Variants in PBRM1 observed in about 807,000 individuals in gnomAD.
PBRM1 encodes the protein protein polybromo-1.
PBRM1 carries 27 observed loss-of-function variants against 194.5 expected under a neutral mutation model. The ratio of observed to expected loss-of-function variants is 0.14; its 90% CI spans 0.10 to 0.19. The LOEUF is 0.19. PBRM1 is among the 10% of genes least tolerant of loss of function. The probability of loss-of-function intolerance (pLI) is 1.00; values close to 1 mark genes in which losing one functional copy is unlikely to be tolerated. For missense variants in PBRM1, 1,466 were observed against 2,077.2 expected, an observed-to-expected ratio of 0.71 and a Z score of 5.72; for synonymous variants, 655 against 693.2, an observed-to-expected ratio of 0.94 and a Z score of 0.87.
chr3:52,643,389 T>TTA lies in PBRM1; in HGVS notation c.900-48_900-47dup, dbSNP rs1281663169. 7 of 1,214,996 alleles carry TTA rather than the reference T, an allele frequency of 5.8e-6. No homozygotes were observed. The African/African-American group carries it at 7.4e-5, about 13-fold the overall frequency. The allele number at this position is 1,214,996 out of a possible 1,614,324, so 75.3% of individuals were successfully genotyped here. ...AAGCTTAGAAACTTGGTAGCTGAAA[T>TTA]TAGAGTGCTGGGTAAACAAACACAC... On this transcript the variant is annotated intron_variant, in intron 8 of 29. Transcript: ENST00000296302.
rs769952971 is a variant in PBRM1, at chr3:52,662,166, A to G, written c.495T>C (p.Asp165=). Residue 165 remains aspartate (D), a synonymous_variant, in exon 4 of 30, where the codon GAT becomes GAC. Transcript: ENST00000296302. ...TCACTGTGCCCTGATTGTCTTGCCCATCTTCATCATCATCTTCGTCATCTG... is the reference window on the plus strand; with the variant it reads ...TCACTGTGCCCTGATTGTCTTGCCCGTCTTCATCATCATCTTCGTCATCTG... 7 of 1,613,952 alleles carry G rather than the reference A, an allele frequency of 4.3e-6. No individual in the cohort carries two copies. The East Asian group carries it at 1.3e-4, about 31-fold the overall frequency.
intron 3 of PBRM1, 79 bp from the exon 5 acceptor site, chr3:52,662,355 T>C: frequency 7.9e-7 from 1 of 1,264,806 alleles, no homozygotes; most frequent in East Asian, 2.3e-5. Context: ...AGCACCTGTT[T>C]CAGCAAAGAC....
rs1299979318 is a variant in PBRM1 at position 52,624,890 on chromosome 3, T to C, written c.1541+2383A>G. ...AGAATGTTTATGCATAAAAAAGGAC[T>C]GCACACCTGGATAGCCTCCTGAGAC... On this transcript the variant is annotated intron_variant, in intron 13 of 29. Transcript: ENST00000296302. 14 of 1,531,662 alleles carry C rather than the reference T, an allele frequency of 9.1e-6. No homozygotes were observed. The Admixed American group carries it at 2.4e-4, about 26-fold the overall frequency. 94.9% of individuals were successfully genotyped at this position (1,531,662 alleles called of 1,614,324 possible).
chr3:52,564,214 T>C (rs1447130080), exon 23 of PBRM1: 1 of 1,613,152 alleles, frequency 6.2e-7, no homozygotes, highest in Non-Finnish European at 8.5e-7. Context: ...AGTCCTTGAA[T>C]GACAACACAG....
chr3:52,567,470 A>G (rs766819623), intron 22 of PBRM1, among the ~76,000 whole-genome samples: 13 of 151,702 alleles, frequency 8.6e-5, no homozygotes, highest in Non-Finnish European at 1.9e-4. Context: ...CCTAATTCAC[A>G]GACTACCCAC....
At chr3:52,588,453 CTA>C (rs879628287) in intron 18 of PBRM1, among the ~76,000 whole-genome samples, 12 of 151,770 alleles carry the variant, frequency 7.9e-5, no homozygotes, top group Non-Finnish European at 1.3e-4. Flanking sequence ...TCTTCTGAAT[CTA>C]TGTCACTCTA....
At chr3:52,597,374 C>T (rs547697417) in intron 17 of PBRM1, among the ~76,000 whole-genome samples, 22 of 152,242 alleles carry the variant, frequency 1.4e-4, no homozygotes, top group Admixed American at 2.6e-4. Flanking sequence ...CTTGCTCTGT[C>T]TCCTAATTCT....
At chr3:52,644,550 A>G (rs2096233391) in intron 8 of PBRM1, among the ~76,000 whole-genome samples, 154 bp downstream of exon 9, 1 of 150,792 alleles carries the variant, frequency 6.6e-6, no homozygotes, top group African/African-American at 2.4e-5. Context: ...ACGCCCGGCT[A>G]ATTTTTGTAT....
chr3:52,549,593 T>C (rs1210992520), intron 29 of PBRM1, among the ~76,000 whole-genome samples: 1 of 152,096 alleles, frequency 6.6e-6, no homozygotes, highest in African/African-American at 2.4e-5. Context: ...GCTTTGAAAT[T>C]TGGCAAAAAA....
chr3:52,653,376 A>G (rs1577675578), intron 5 of PBRM1, among the ~76,000 whole-genome samples: 1 of 151,772 alleles, frequency 6.6e-6, no homozygotes. Context: ...GATCACCTGA[A>G]GTCAGGAGTT....
Position 52,643,360 on chromosome 3 carries a change from TAA to T in PBRM1, c.900-19_900-18del. 2 of 1,565,072 alleles carry T rather than the reference TAA, an allele frequency of 1.3e-6. No individual in the cohort carries two copies. On this transcript the variant is annotated intron_variant, in intron 8 of 29. Transcript: ENST00000296302. ...GATGGAGTCCTATCCAGAGATAAGATAAAAAGCTTAGAAACTTGGTAGCTGAA... is the reference window on the plus strand; with the variant it reads ...GATGGAGTCCTATCCAGAGATAAGATAAAGCTTAGAAACTTGGTAGCTGAA...
chr3:52,641,637 T>C (rs1369295567), intron 10 of PBRM1, among the ~76,000 whole-genome samples: 2 of 151,738 alleles, frequency 1.3e-5, no homozygotes, highest in Non-Finnish European at 2.9e-5. Flanking sequence ...AGCCTGAAAA[T>C]CTAAGATGAA....
intron 2 of PBRM1, among the ~76,000 whole-genome samples, chr3:52,675,545 G>C (rs1394378980): frequency 1.3e-5 from 2 of 152,220 alleles, no homozygotes; most frequent in African/African-American, 4.8e-5. Flanking sequence ...CAGTGAACAA[G>C]GTGTTGAAGT....
At chr3:52,605,217 T>A (rs930422862) in intron 16 of PBRM1, among the ~76,000 whole-genome samples, 24 of 152,146 alleles carry the variant, frequency 1.6e-4, no homozygotes, top group African/African-American at 5.8e-4. Flanking sequence ...TGGCTAATTT[T>A]AAAATTTTTT....
rs2096100762 is a variant in PBRM1, at chr3:52,641,867, C to G, written c.1087+87G>C. The G allele has an allele frequency of 8.2e-6, 7 of 853,442 alleles. No homozygotes were observed. In the Admixed American group the frequency reaches 1.2e-4, roughly 15 times the overall value. The allele number at this position is 853,442 out of a possible 1,614,324, so 52.9% of individuals were successfully genotyped here. A position where few individuals can be genotyped will look rare whatever the true frequency, so the allele number is the denominator to read the frequency against. On this transcript the variant is annotated intron_variant, in intron 10 of 29. Coordinates refer to ENST00000296302, the Ensembl canonical transcript of PBRM1. ...AGCATGTACTTCCCAAACCAGCAAA[C>G]CCTAGGCCAGAAAAAATCACTGCAA...
chr3:52,592,922 T>C (rs1216660998), intron 17 of PBRM1, among the ~76,000 whole-genome samples: 2 of 152,252 alleles, frequency 1.3e-5, no homozygotes, highest in African/African-American at 4.8e-5. Context: ...CCATTTCTTC[T>C]AGATTTTCTA....
At chr3:52,615,261 A>G (rs1170888099) in intron 15 of PBRM1, 90 bp downstream of exon 17, 2 of 726,152 alleles carry the variant, frequency 2.8e-6, no homozygotes, top group East Asian at 5.4e-5. Flanking sequence ...GTTCAAATAT[A>G]TTCATAATTT....
At chr3:52,553,458 G>T (rs2081440173) in intron 27 of PBRM1, among the ~76,000 whole-genome samples, 1 of 151,660 alleles carries the variant, frequency 6.6e-6, no homozygotes, top group Admixed American at 6.6e-5. Context: ...ACAGCTAGGA[G>T]GGTAGGCTAG....
In PBRM1 at chr3:52,668,783, TA is replaced by T. The variant is rs143631943; in HGVS notation, c.237-139del. 0.13 allele frequency: 26,335 copies of T among 208,008 alleles called. 424 individuals carry two copies. Among genetic ancestry groups the T allele is most frequent in the Middle Eastern group, 0.17 (107 of 614 alleles). The allele number at this position is 208,008 out of a possible 1,614,324, so 12.9% of individuals were successfully genotyped here. ...TCTTTCATGGACTTTGAAGCTTACT[TA>T]AAAAAAAAAAAAAAAGAAAAAAATC... On this transcript the variant is annotated intron_variant, in intron 2 of 29. Coordinates refer to ENST00000296302, the Ensembl canonical transcript of PBRM1.
Sources: allele counts gnomAD v4.1 joint callset (sites outside exome capture counted in the v4.1 genomes callset), GRCh38; gene constraint gnomAD v4.1.1; transcripts MANE v1.5; gene names NCBI Gene and HGNC (gene_info 2026-07-23, HGNC 2026-07-21).